CFAP299: variants seen among roughly 807,000 people sequenced by gnomAD.
The protein encoded by CFAP299 is cilia and flagella associated protein 299.
CFAP299 carries 21 observed loss-of-function variants against 27.0 expected under a neutral mutation model. That is an observed-to-expected ratio of 0.78 (90% CI 0.55 to 1.12). The LOEUF is 1.12. Ranked by LOEUF, CFAP299 falls within the 50% of genes most tolerant of loss-of-function variation. The pLI, the probability that CFAP299 is intolerant of heterozygous loss-of-function variation, is 0.00. For missense variants in CFAP299, 310 were observed against 276.6 expected, an observed-to-expected ratio of 1.12 and a Z score of -0.86; for synonymous variants, 104 against 98.1, an observed-to-expected ratio of 1.06 and a Z score of -0.36.
chr4:80,617,018 C>T (rs1738326961), intron 3 of CFAP299, among the ~76,000 whole-genome samples: 1 of 151,864 alleles, frequency 6.6e-6, no homozygotes, highest in Non-Finnish European at 1.5e-5. Context: ...ACTATAGATC[C>T]AGCAATTCCA....
chr4:80,424,827 C>T (rs531320585), intron 2 of CFAP299, among the ~76,000 whole-genome samples: 11 of 152,214 alleles, frequency 7.2e-5, no homozygotes, highest in East Asian at 3.9e-4. Flanking sequence ...ATTAAACTGT[C>T]GTCAATCACT....
At chr4:80,860,906 G>T (rs1312033062) in intron 3 of CFAP299, among the ~76,000 whole-genome samples, 1 of 152,206 alleles carries the variant, frequency 6.6e-6, no homozygotes, top group Non-Finnish European at 1.5e-5. Flanking sequence ...CAGATCTTCA[G>T]CTGCGTGCTG....
At chr4:80,538,414 A>G (rs1733845088) in intron 2 of CFAP299, among the ~76,000 whole-genome samples, 1 of 152,090 alleles carries the variant, frequency 6.6e-6, no homozygotes, top group Non-Finnish European at 1.5e-5. Context: ...GCTTAACTGT[A>G]CAGTGTATGT....
chr4:80,669,955 C>A (rs1025369460), intron 3 of CFAP299, among the ~76,000 whole-genome samples: 16 of 151,090 alleles, frequency 1.1e-4, no homozygotes, highest in Admixed American at 3.3e-4. Flanking sequence ...AAAAAAAAAA[C>A]CCGTAGTGCG....
chr4:80,349,398 G>T (rs956116013), intron 1 of CFAP299, among the ~76,000 whole-genome samples: 1 of 152,124 alleles, frequency 6.6e-6, no homozygotes, highest in African/African-American at 2.4e-5. Context: ...ATTTCACATG[G>T]AGAATATATT....
At chr4:80,386,610 T>C in intron 2 of CFAP299, 2 of 1,598,344 alleles carry the variant, frequency 1.3e-6, no homozygotes, top group Admixed American at 3.3e-5. Flanking sequence ...AAAAAGCCCT[T>C]GGCACAGCCA....
At chr4:80,755,758 C>G (rs1725202354) in intron 3 of CFAP299, among the ~76,000 whole-genome samples, 2 of 152,124 alleles carry the variant, frequency 1.3e-5, no homozygotes, top group Admixed American at 6.6e-5. Flanking sequence ...ATTCATTTTA[C>G]TAGCAAGTAC....
At chr4:80,891,054 C>A (rs1342273507) in intron 4 of CFAP299, among the ~76,000 whole-genome samples, 1 of 151,616 alleles carries the variant, frequency 6.6e-6, no homozygotes, top group Non-Finnish European at 1.5e-5. Context: ...TGCAGAAGCT[C>A]TTTAGTTTAA....
chr4:80,948,158 G>A (rs1280363108), intron 5 of CFAP299, among the ~76,000 whole-genome samples: 3 of 152,120 alleles, frequency 2.0e-5, no homozygotes, highest in Non-Finnish European at 2.9e-5. Flanking sequence ...GTGATAAACA[G>A]GATGTGTTTA....
intron 3 of CFAP299, among the ~76,000 whole-genome samples, chr4:80,836,458 G>C (rs1730564769): frequency 6.6e-6 from 1 of 152,122 alleles, no homozygotes; most frequent in Non-Finnish European, 1.5e-5. Context: ...CTAGCTTCTA[G>C]AGGTTGCCCA....
At chr4:80,733,422 G>T (rs1259609944) in intron 3 of CFAP299, among the ~76,000 whole-genome samples, 1 of 152,002 alleles carries the variant, frequency 6.6e-6, no homozygotes, top group Non-Finnish European at 1.5e-5. Context: ...TGGAAAATTG[G>T]ATATCCATCC....
At position 80,387,607 on chromosome 4, in the gene CFAP299, G is replaced by C; in HGVS notation, c.242+24723G>C. On this transcript the variant is annotated intron_variant, in intron 2 of 5. Coordinates refer to ENST00000358105, the MANE Select transcript of CFAP299 (RefSeq NM_152770.3). ...GACCTGTACAGTCACAGAGTTTCGA[G>C]ACACAGTGCCACCACCGTGTCCTGA... 10 of 1,275,466 alleles carry C rather than the reference G, an allele frequency of 7.8e-6. No homozygotes were observed. In the South Asian group the frequency reaches 1.2e-4, roughly 15 times the overall value. The allele number at this position is 1,275,466 out of a possible 1,614,324, so 79.0% of individuals were successfully genotyped here.
At chr4:80,409,357 T>C (rs1726596221) in intron 2 of CFAP299, among the ~76,000 whole-genome samples, 1 of 152,126 alleles carries the variant, frequency 6.6e-6, no homozygotes, top group African/African-American at 2.4e-5. Context: ...TATTATAAAG[T>C]ACAAATTAAA....
intron 3 of CFAP299, among the ~76,000 whole-genome samples, chr4:80,676,392 T>A (rs1054693791): frequency 6.6e-6 from 1 of 152,212 alleles, no homozygotes; most frequent in Admixed American, 6.5e-5. Context: ...GTATCTATAT[T>A]TATCAATGAT....
intron 3 of CFAP299, among the ~76,000 whole-genome samples, chr4:80,756,389 A>T (rs1725241303): frequency 6.6e-6 from 1 of 152,124 alleles, no homozygotes; most frequent in African/African-American, 2.4e-5. Context: ...TGAACTTGAA[A>T]CTGTCATTCA....
At chr4:80,952,820 A>G (rs1439414985) in intron 5 of CFAP299, among the ~76,000 whole-genome samples, 8 of 152,020 alleles carry the variant, frequency 5.3e-5, no homozygotes, top group Admixed American at 3.9e-4. Context: ...TTAGTAGGAA[A>G]GGTGTTCATT....
At chr4:80,580,967 G>T (rs753577694) in intron 2 of CFAP299, among the ~76,000 whole-genome samples, 5 of 151,874 alleles carry the variant, frequency 3.3e-5, no homozygotes, top group African/African-American at 1.2e-4. Context: ...ATGAAGAGCC[G>T]CAGTAAACCT....
chr4:80,639,565 G>C (rs914837447), intron 3 of CFAP299, among the ~76,000 whole-genome samples: 1 of 152,198 alleles, frequency 6.6e-6, no homozygotes, highest in African/African-American at 2.4e-5. Context: ...AGTGTTGTGT[G>C]ATTCCACTTA....
chr4:80,960,425 T>C (rs577674133), intron 5 of CFAP299, among the ~76,000 whole-genome samples: 4 of 151,988 alleles, frequency 2.6e-5, no homozygotes, highest in African/African-American at 9.6e-5. Context: ...TTTTTAAAGT[T>C]CTCAATTTCA....
Sources: gnomAD v4.1 joint callset for allele counts (sites outside exome capture counted in the v4.1 genomes callset) on GRCh38, gnomAD v4.1.1 for gene constraint, MANE v1.5 for transcripts, NCBI Gene and HGNC (gene_info 2026-07-23, HGNC 2026-07-21) for gene names.